The following ANKRD29 variants were observed in gnomAD, a reference collection of about 807,000 sequenced individuals.
ANKRD29 encodes the protein ankyrin repeat domain 29, also known as ankyrin repeat domain-containing protein 29.
Under a neutral mutation model 38.0 loss-of-function variants are expected in ANKRD29, and 32 were observed. The ratio of observed to expected loss-of-function variants is 0.84; its 90% CI spans 0.64 to 1.13. The LOEUF (loss-of-function observed/expected upper bound fraction) is 1.13, where lower values mean the gene tolerates loss of function less well. Ranked by LOEUF, ANKRD29 falls within the 50% of genes most tolerant of loss-of-function variation. ANKRD29 has a pLI of 0.00. For missense variants in ANKRD29, 357 were observed against 377.9 expected (o/e 0.94, Z 0.46); for synonymous variants, 135 against 152.4 (o/e 0.89, Z 0.84).
chr18:23,612,768 A>T (rs1205322670), intron 8 of ANKRD29, among the ~76,000 whole-genome samples: 3 of 152,180 alleles, frequency 2.0e-5, no homozygotes, highest in Non-Finnish European at 4.4e-5. Flanking sequence ...GAAGGGCCTC[A>T]TAGGTCAGTT....
chr18:23,630,295 C>T (rs934700192), intron 5 of ANKRD29, among the ~76,000 whole-genome samples: 1 of 152,120 alleles, frequency 6.6e-6, no homozygotes, highest in East Asian at 1.9e-4. Flanking sequence ...GGCGTGGTGG[C>T]GGGCACCTAT....
At chr18:23,606,508 G>A (rs2059576872) in intron 9 of ANKRD29, among the ~76,000 whole-genome samples, 1 of 152,132 alleles carries the variant, frequency 6.6e-6, no homozygotes, top group South Asian at 2.1e-4. Flanking sequence ...AGGGGGTCTT[G>A]CTATATTGCC....
intron 1 of ANKRD29, among the ~76,000 whole-genome samples, chr18:23,660,768 C>A (rs576130833): frequency 6.6e-6 from 1 of 152,356 alleles, no homozygotes; most frequent in East Asian, 1.9e-4. Flanking sequence ...GATTGCGCCA[C>A]TGCACTCTAG....
At chr18:23,652,748 A>G (rs2060225774) in intron 1 of ANKRD29, among the ~76,000 whole-genome samples, 2 of 152,218 alleles carry the variant, frequency 1.3e-5, no homozygotes, top group Non-Finnish European at 2.9e-5. Context: ...TGATCTCTAC[A>G]ATAAAACCAA....
intron 7 of ANKRD29, chr18:23,619,311 A>G (rs1458433449): frequency 3.8e-6 from 2 of 527,084 alleles, no homozygotes; most frequent in Non-Finnish European, 6.6e-6. Flanking sequence ...CCTCAGGCCT[A>G]AGGCTAAGAT....
rs2059959928 is a variant in ANKRD29, at chr18:23,633,486, C to T, written c.429+565G>A. Among the ~76,000 whole-genome samples the T allele has an allele frequency of 2.0e-5, 3 of 152,016 alleles. No homozygotes were observed. In the South Asian group the frequency reaches 6.2e-4, roughly 32 times the overall value. ...ATAAGTATCACATGATTTTTGAAGG[C>T]CTTAATTGCATAGGTACACGAAATG... On this transcript the variant is annotated intron_variant, in intron 5 of 9. Transcript: ENST00000592179.
At chr18:23,602,332 G>A (rs909594578) in intron 9 of ANKRD29, among the ~76,000 whole-genome samples, 2 of 152,040 alleles carry the variant, frequency 1.3e-5, no homozygotes, top group African/African-American at 4.8e-5. Context: ...CACCGCGCCC[G>A]GGCCAGATAT....
chr18:23,659,777 C>CA lies in ANKRD29; in HGVS notation c.21+2932dup, dbSNP rs964080559. Among the ~76,000 whole-genome samples, 110 of 149,912 alleles carry CA rather than the reference C, an allele frequency of 7.3e-4. 3 individuals carry two copies. The South Asian group carries it at 0.023, about 31-fold the overall frequency. On this transcript the variant is annotated intron_variant, in intron 1 of 9. Coordinates refer to ENST00000592179, the MANE Select transcript of ANKRD29 (RefSeq NM_173505.4). Reference sequence around the variant, plus strand: ...AAAAAAAAAACAAAAAACAAACAAACAAAAAAAACTTTTTGAAGAAAGACA... The same window carrying CA: ...AAAAAAAAAACAAAAAACAAACAAACAAAAAAAAACTTTTTGAAGAAAGACA...
At chr18:23,612,252 T>G in intron 8 of ANKRD29, 62 bp from the exon 9 acceptor site, 1 of 1,448,748 alleles carries the variant, frequency 6.9e-7, no homozygotes, top group Non-Finnish European at 9.6e-7. Context: ...TCAGCATGGC[T>G]TTCATCATAA....
chr18:23,632,531 G>A (rs370283657), intron 5 of ANKRD29, among the ~76,000 whole-genome samples: 7,333 of 126,496 alleles, frequency 0.058, 547 homozygotes, highest in African/African-American at 0.16. Flanking sequence ...GTGTGTGTGT[G>A]TGTATATATA....
chr18:23,602,768 A>C (rs2059529691), intron 9 of ANKRD29, among the ~76,000 whole-genome samples: 1 of 152,082 alleles, frequency 6.6e-6, no homozygotes, highest in Non-Finnish European at 1.5e-5. Context: ...ATTTAGAAAG[A>C]AAATATTTTC....
rs1168053722 is a variant in ANKRD29, at chr18:23,649,119, C to G, written c.96G>C (p.Leu32Phe). The change falls in exon 2 of 10, where the codon TTG becomes TTC. Residue 32 changes from leucine (L) to phenylalanine (F), a missense_variant. Coordinates refer to ENST00000592179, the MANE Select transcript of ANKRD29 (RefSeq NM_173505.4). ...AGTCCACGTCCACCCGGCCGCTGTTCAACAGCAGCTTCAGCAGCGCCAGGT... is the reference window on the plus strand; with the variant it reads ...AGTCCACGTCCACCCGGCCGCTGTTGAACAGCAGCTTCAGCAGCGCCAGGT... Reference protein sequence around the residue: ...RGNLALLKLLLNSGRVDVDCR... With the variant: ...RGNLALLKLLFNSGRVDVDCR... The G allele has an allele frequency of 6.2e-7, 1 of 1,614,214 alleles. No homozygotes were observed.
At chr18:23,652,630 C>T (rs147257642) in intron 1 of ANKRD29, among the ~76,000 whole-genome samples, 15 of 152,310 alleles carry the variant, frequency 9.8e-5, no homozygotes, top group Non-Finnish European at 2.1e-4. Context: ...GAGATGGGGC[C>T]AGTCCTCTAG....
intron 1 of ANKRD29, among the ~76,000 whole-genome samples, chr18:23,653,959 CA>C (rs1027293361): frequency 1.3e-5 from 2 of 152,006 alleles, no homozygotes; most frequent in African/African-American, 4.8e-5. Flanking sequence ...ATCCAAATAA[CA>C]GAGCCGGGAT....
At chr18:23,612,842 T>C (rs2059660988) in intron 8 of ANKRD29, among the ~76,000 whole-genome samples, 1 of 152,152 alleles carries the variant, frequency 6.6e-6, no homozygotes, top group Non-Finnish European at 1.5e-5. Flanking sequence ...AAATGCAGCA[T>C]GTAGCTGGAC....
At chr18:23,608,767 G>A (rs1490840346) in intron 9 of ANKRD29, among the ~76,000 whole-genome samples, 2 of 152,112 alleles carry the variant, frequency 1.3e-5, no homozygotes, top group African/African-American at 4.8e-5. Flanking sequence ...GCCCTTTCCC[G>A]AAAAGACCCC....
At chr18:23,632,807 G>A (rs2059951019) in intron 5 of ANKRD29, among the ~76,000 whole-genome samples, 1 of 152,124 alleles carries the variant, frequency 6.6e-6, no homozygotes, top group African/African-American at 2.4e-5. Flanking sequence ...TACTGGTAAT[G>A]TTGCAGGCTC....
chr18:23,638,155 G>A (rs938829983), intron 4 of ANKRD29, among the ~76,000 whole-genome samples: 2 of 151,720 alleles, frequency 1.3e-5, no homozygotes, highest in East Asian at 3.9e-4. Flanking sequence ...GTGCCATCAC[G>A]CCTGGCTAAT....
rs772817461 is a variant in ANKRD29 at position 23,632,531 on chromosome 18, G to GTATA, written c.429+1519_429+1520insTATA. Among the ~76,000 whole-genome samples the GTATA allele has an allele frequency of 1.2e-4, 15 of 126,854 alleles. 2 individuals carry two copies. The highest frequency in any genetic ancestry group is 4.3e-4 in the African/African-American group (13 of 30,152). 83.2% of individuals were successfully genotyped at this position (126,854 alleles called of 152,430 possible). A position where few individuals can be genotyped will look rare whatever the true frequency, so the allele number is the denominator to read the frequency against. ...TCCTATTCAGTGTGTGTGTGTGTGT[G>GTATA]TGTATATATATATATATTACACACT... On this transcript the variant is annotated intron_variant, in intron 5 of 9. Coordinates refer to ENST00000592179, the MANE Select transcript of ANKRD29 (RefSeq NM_173505.4).
Sources: gnomAD v4.1 joint callset for allele counts (sites outside exome capture counted in the v4.1 genomes callset) on GRCh38, gnomAD v4.1.1 for gene constraint, MANE v1.5 for transcripts, NCBI Gene and HGNC (gene_info 2026-07-23, HGNC 2026-07-21) for gene names.